Variants in KCNIP1 observed in about 807,000 individuals in gnomAD.
The protein encoded by KCNIP1 is potassium voltage-gated channel interacting protein 1.
Under a neutral mutation model 33.0 loss-of-function variants are expected in KCNIP1, and 18 were observed. The ratio of observed to expected loss-of-function variants is 0.55; its 90% CI spans 0.38 to 0.81. The LOEUF is 0.81. Among genes scored for constraint, KCNIP1 ranks in the 30% least tolerant of loss-of-function variants. KCNIP1 has a pLI of 0.00. For synonymous variants in KCNIP1, 93 were observed against 98.3 expected (o/e 0.95, Z 0.32); for missense variants, 238 against 271.6 (o/e 0.88, Z 0.87).
chr5:170,363,188 A>G (rs984892173), intron 1 of KCNIP1, among the ~76,000 whole-genome samples: 2 of 152,192 alleles, frequency 1.3e-5, no homozygotes. Flanking sequence ...TGCCAACATC[A>G]CAGATACAGC....
At chr5:170,471,408 C>T (rs1172623530) in intron 1 of KCNIP1, among the ~76,000 whole-genome samples, 2 of 152,200 alleles carry the variant, frequency 1.3e-5, no homozygotes, top group African/African-American at 4.8e-5. Flanking sequence ...GTCTGCAGAC[C>T]AGATCGGATG....
chr5:170,633,713 C>CGG (rs1299703518), intron 1 of KCNIP1, among the ~76,000 whole-genome samples: 1 of 29,324 alleles, frequency 3.4e-5, no homozygotes, highest in African/African-American at 1.9e-4. Context: ...GGCGAGGGGG[C>CGG]GGGGGGGCGG....
intron 1 of KCNIP1, among the ~76,000 whole-genome samples, chr5:170,404,662 G>T (rs2113391779): frequency 6.6e-6 from 1 of 152,254 alleles, no homozygotes; most frequent in Admixed American, 6.5e-5. Context: ...AAGTCCTCTA[G>T]AGGTCCAAGC....
intron 1 of KCNIP1, among the ~76,000 whole-genome samples, chr5:170,597,793 A>ATATG (rs1286808446): frequency 7.6e-4 from 1 of 1,308 alleles, no homozygotes; most frequent in African/African-American, 1.2e-3. Flanking sequence ...AAATATATAT[A>ATATG]TATATATATA....
intron 1 of KCNIP1, among the ~76,000 whole-genome samples, chr5:170,558,915 CA>C (rs1207045702): frequency 6.6e-6 from 1 of 152,176 alleles, no homozygotes; most frequent in African/African-American, 2.4e-5. Context: ...TGGCTTCAAA[CA>C]AGTCCCTATC....
At chr5:170,578,842 G>C (rs543053031) in intron 1 of KCNIP1, among the ~76,000 whole-genome samples, 10 of 152,284 alleles carry the variant, frequency 6.6e-5, no homozygotes, top group African/African-American at 1.9e-4. Context: ...TATAACATAT[G>C]AATATTGGGA....
chr5:170,533,042 T>A (rs917057158), intron 1 of KCNIP1, among the ~76,000 whole-genome samples: 1 of 152,200 alleles, frequency 6.6e-6, no homozygotes, highest in African/African-American at 2.4e-5. Flanking sequence ...AAACCTTTTC[T>A]CTCACAACTG....
At chr5:170,583,117 G>A (rs767879387) in intron 1 of KCNIP1, among the ~76,000 whole-genome samples, 22 of 152,270 alleles carry the variant, frequency 1.4e-4, no homozygotes, top group South Asian at 6.2e-4. Flanking sequence ...CTGGGAGGCC[G>A]TCCCAGCCCA....
chr5:170,578,709 A>G (rs1056688805), intron 1 of KCNIP1, among the ~76,000 whole-genome samples: 24 of 152,324 alleles, frequency 1.6e-4, no homozygotes, highest in African/African-American at 5.8e-4. Context: ...AGACAAACAA[A>G]TATGTTTCAA....
chr5:170,403,893 G>A (rs747324675), intron 1 of KCNIP1, among the ~76,000 whole-genome samples: 2 of 152,180 alleles, frequency 1.3e-5, no homozygotes, highest in South Asian at 2.1e-4. Flanking sequence ...CACCTGCACT[G>A]CATACCAGAG....
intron 1 of KCNIP1, among the ~76,000 whole-genome samples, chr5:170,713,837 C>T (rs540443795): frequency 2.0e-5 from 3 of 151,990 alleles, no homozygotes; most frequent in Non-Finnish European, 2.9e-5. Flanking sequence ...GCCTGGCTAA[C>T]GTGGTGAAAA....
chr5:170,354,860 A>C (rs937616121), intron 1 of KCNIP1, among the ~76,000 whole-genome samples: 1 of 152,140 alleles, frequency 6.6e-6, no homozygotes, highest in Non-Finnish European at 1.5e-5. Context: ...GGCTGAAAAA[A>C]CGTCTTTAAA....
At chr5:170,488,664 G>T (rs936694254) in intron 1 of KCNIP1, among the ~76,000 whole-genome samples, 2 of 152,194 alleles carry the variant, frequency 1.3e-5, no homozygotes, top group African/African-American at 4.8e-5. Flanking sequence ...GGTCTCAGAA[G>T]GTAGAGAGAG....
intron 1 of KCNIP1, among the ~76,000 whole-genome samples, chr5:170,607,793 C>T (rs1186475677): frequency 8.5e-5 from 13 of 152,118 alleles, no homozygotes; most frequent in Admixed American, 5.9e-4. Context: ...GGGTCTCAGC[C>T]GGCGGGGAGG....
chr5:170,452,683 C>G (rs1182058755), intron 1 of KCNIP1, among the ~76,000 whole-genome samples: 1 of 152,156 alleles, frequency 6.6e-6, no homozygotes, highest in African/African-American at 2.4e-5. Context: ...ACTTCTCTCC[C>G]CACCCTGCTC....
At chr5:170,536,232 A>G (rs1755979586) in intron 1 of KCNIP1, among the ~76,000 whole-genome samples, 1 of 152,308 alleles carries the variant, frequency 6.6e-6, no homozygotes, top group South Asian at 2.1e-4. Context: ...TGGGCCTTAA[A>G]CTAGGCGCTC....
intron 1 of KCNIP1, among the ~76,000 whole-genome samples, chr5:170,647,523 C>A (rs1760832507): frequency 6.6e-6 from 1 of 151,086 alleles, no homozygotes; most frequent in African/African-American, 2.4e-5. Flanking sequence ...TACAGAGGAG[C>A]AAAGACAGTT....
At chr5:170,520,965 C>T (rs2113305129) in intron 1 of KCNIP1, among the ~76,000 whole-genome samples, 1 of 152,334 alleles carries the variant, frequency 6.6e-6, no homozygotes, top group East Asian at 1.9e-4. Flanking sequence ...CTAATGCCTC[C>T]CTTCTTGGGT....
chr5:170,674,187 G>C (rs1413813192), intron 1 of KCNIP1, among the ~76,000 whole-genome samples: 1 of 111,162 alleles, frequency 9.0e-6, no homozygotes, highest in Admixed American at 8.5e-5. Context: ...AAGGAAGGGA[G>C]GGAGGGAGGG....
Sources: gnomAD v4.1 joint callset for allele counts (sites outside exome capture counted in the v4.1 genomes callset) on GRCh38, gnomAD v4.1.1 for gene constraint, MANE v1.5 for transcripts, NCBI Gene and HGNC (gene_info 2026-07-23, HGNC 2026-07-21) for gene names.